TNRC6C: variants seen among roughly 807,000 people sequenced by gnomAD.
TNRC6C encodes trinucleotide repeat containing adaptor 6C.
In TNRC6C, 20 loss-of-function variants were observed where a neutral mutation model predicts 153.7. That is an observed-to-expected ratio of 0.13 (90% CI 0.09 to 0.19). The LOEUF (loss-of-function observed/expected upper bound fraction) is 0.19, where lower values mean the gene tolerates loss of function less well. Among genes scored for constraint, TNRC6C ranks in the 10% least tolerant of loss-of-function variants. TNRC6C has a pLI of 1.00. For missense variants in TNRC6C, 1,987 were observed against 2,172.0 expected, an observed-to-expected ratio of 0.91 and a Z score of 1.69; for synonymous variants, 811 against 841.4, an observed-to-expected ratio of 0.96 and a Z score of 0.63.
chr17:78,003,240 A>G (rs534328773), upstream of TNRC6C, among the ~76,000 whole-genome samples: 2 of 152,290 alleles, frequency 1.3e-5, no homozygotes, highest in African/African-American at 4.8e-5. Context: ...CATACATACA[A>G]AGCCCCTAAT....
chr17:78,088,580 G>T (rs2073338404), intron 13 of TNRC6C, among the ~76,000 whole-genome samples: 1 of 151,474 alleles, frequency 6.6e-6, no homozygotes, highest in South Asian at 2.1e-4. Flanking sequence ...TTGTTTTAAA[G>T]ATTAAATGAG....
At position 78,075,207 on chromosome 17, in the gene TNRC6C, G is replaced by A. The variant is rs772313022; in HGVS notation, c.2989G>A (p.Ala997Thr). 1.4e-5 allele frequency: 22 copies of A among 1,599,540 alleles called. No individual in the cohort carries two copies. Among genetic ancestry groups the A allele is most frequent in the Non-Finnish European group, 1.8e-5 (21 of 1,173,616 alleles). ...AGTGACCGACCATAATGGAATGGCC[G>A]CCAAGCCCCTCGGCTGCCGCCCGCC... The change falls in exon 8 of 20, where the codon GCC (alanine) becomes ACC (threonine). Residue 997 changes from alanine to threonine, a missense_variant. Around this residue, in one of 4 missense-constraint regions of TNRC6C, gnomAD observed 765 missense variants for 908.6 expected, o/e 0.84. Coordinates refer to ENST00000301624, the Ensembl canonical transcript of TNRC6C. This position sits in a 1 kb window ranked among gnomAD's most constrained non-coding sequence, Gnocchi z 4.2.
exon 3 of TNRC6C, chr17:78,050,071 A>G (rs1296772238): frequency 6.2e-7 from 1 of 1,610,644 alleles, no homozygotes; most frequent in Non-Finnish European, 8.5e-7. Context: ...AAGCACCTCT[A>G]ACGGTGTGAA....
At chr17:78,091,923 T>C (rs887970071) in intron 14 of TNRC6C, among the ~76,000 whole-genome samples, 2 of 152,204 alleles carry the variant, frequency 1.3e-5, no homozygotes, top group South Asian at 2.1e-4. Context: ...TCTGCTGAAA[T>C]GTTTTCAATA....
intron 3 of TNRC6C, among the ~76,000 whole-genome samples, chr17:78,053,483 G>T (rs2144037989): frequency 6.6e-6 from 1 of 152,068 alleles, no homozygotes; most frequent in Non-Finnish European, 1.5e-5. Context: ...TACAAAATTA[G>T]CCGGGCATGG....
chr17:78,093,657 T>C (rs1217776410), exon 16 of TNRC6C: 4 of 1,613,870 alleles, frequency 2.5e-6, no homozygotes, highest in Non-Finnish European at 8.5e-7. Context: ...GACTGCAGAA[T>C]ATTGACCCTG....
At position 78,086,846 on chromosome 17, in the gene TNRC6C, C is replaced by T. The variant is rs775437621; in HGVS notation, c.3562-7C>T. The T allele has an allele frequency of 3.7e-5, 60 of 1,610,724 alleles. No individual in the cohort carries two copies. The highest frequency in any genetic ancestry group is 4.9e-5 in the Non-Finnish European group (58 of 1,179,102). Reference sequence around the variant, plus strand: ...CTAGTTAACGCACCTATGTCTCTGCCTGCCAGGTTGCGCGCACAATCACTA... The same window carrying T: ...CTAGTTAACGCACCTATGTCTCTGCTTGCCAGGTTGCGCGCACAATCACTA... On this transcript the variant is annotated splice_region_variant and splice_polypyrimidine_tract_variant and intron_variant, in intron 12 of 19. Coordinates refer to ENST00000301624, the Ensembl canonical transcript of TNRC6C.
chr17:78,035,321 C>T (rs201855896), intron 2 of TNRC6C, among the ~76,000 whole-genome samples: 2 of 152,288 alleles, frequency 1.3e-5, no homozygotes, highest in East Asian at 3.9e-4. Context: ...TCCTGTGTGA[C>T]CTTGACCAAA....
chr17:77,973,657 A>G (rs930931502), intron 1 of TNRC6C, among the ~76,000 whole-genome samples: 1 of 152,246 alleles, frequency 6.6e-6, no homozygotes, highest in African/African-American at 2.4e-5. Flanking sequence ...AGCTTACAAG[A>G]CCAGTGTTTG....
intron 1 of TNRC6C, among the ~76,000 whole-genome samples, chr17:78,027,406 G>T (rs2071962999): frequency 6.6e-6 from 1 of 152,074 alleles, no homozygotes; most frequent in Non-Finnish European, 1.5e-5. Context: ...CCCGTTAGAG[G>T]TTGGAAATGC....
chr17:78,059,844 C>T (rs1402012635), intron 3 of TNRC6C, among the ~76,000 whole-genome samples: 1 of 136,378 alleles, frequency 7.3e-6, no homozygotes, highest in African/African-American at 2.9e-5. Flanking sequence ...GAGACCCTGT[C>T]TCAAAAAAAA....
chr17:78,050,513 C>T (rs2072503407), exon 3 of TNRC6C: 3 of 1,614,002 alleles, frequency 1.9e-6, no homozygotes, highest in Non-Finnish European at 2.5e-6. Context: ...TGTGCAGCTA[C>T]TCAGGCTTCA....
At chr17:78,058,305 C>G (rs1298906934) in intron 3 of TNRC6C, among the ~76,000 whole-genome samples, 1 of 152,122 alleles carries the variant, frequency 6.6e-6, no homozygotes. Flanking sequence ...AAAGCAGATC[C>G]TAAAAATACT....
At chr17:78,019,136 A>G (rs1312615664) in intron 1 of TNRC6C, among the ~76,000 whole-genome samples, 1 of 152,204 alleles carries the variant, frequency 6.6e-6, no homozygotes, top group Non-Finnish European at 1.5e-5. Flanking sequence ...TATTGAAGTG[A>G]CTGAGCATGA....
At chr17:78,097,792 G>A in intron 16 of TNRC6C, 1 of 1,551,124 alleles carries the variant, frequency 6.4e-7, no homozygotes, top group Non-Finnish European at 8.7e-7. Context: ...TTCTTCGAGT[G>A]CCTGGCCACT....
Position 78,065,393 on chromosome 17 carries a change from A to G in TNRC6C, c.2611+456A>G, listed in dbSNP as rs573835456. The stretch of plus-strand genomic sequence containing the variant: ...AAGCCAAGATTATAAAATATTTGCC[A>G]TGCCTGATACATGAACACAAAGGAG... On this transcript the variant is annotated intron_variant, in intron 4 of 19. Transcript: ENST00000301624. Among the ~76,000 whole-genome samples the G allele has an allele frequency of 9.8e-4, 149 of 152,166 alleles. 5 individuals carry two copies. In the South Asian group the frequency reaches 0.03, roughly 31 times the overall value.
At chr17:78,088,489 T>G (rs1195669699) in intron 13 of TNRC6C, among the ~76,000 whole-genome samples, 1 of 152,100 alleles carries the variant, frequency 6.6e-6, no homozygotes, top group Non-Finnish European at 1.5e-5. Context: ...CCCTAAGTGT[T>G]AGGATTACAG....
intron 1 of TNRC6C, among the ~76,000 whole-genome samples, chr17:77,969,300 A>G (rs1188738012): frequency 1.3e-5 from 2 of 151,628 alleles, no homozygotes. Context: ...ACCAGGCTGG[A>G]GTGCAGTGGC....
At chr17:77,995,930 A>G (rs1479630437) in intron 1 of TNRC6C, among the ~76,000 whole-genome samples, 1 of 152,166 alleles carries the variant, frequency 6.6e-6, no homozygotes, top group African/African-American at 2.4e-5. Flanking sequence ...AAAATTAGCC[A>G]GGCATGGTGA....
Sources: gnomAD v4.1 joint callset for allele counts (sites outside exome capture counted in the v4.1 genomes callset) on GRCh38, gnomAD v4.1.1 for gene constraint, gnomAD v4.1.1 regional missense constraint, Gnocchi (gnomAD v3.1) non-coding constraint, MANE v1.5 for transcripts, NCBI Gene and HGNC (gene_info 2026-07-23, HGNC 2026-07-21) for gene names.